The following DNAJB11 variants were observed in gnomAD, a reference collection of about 807,000 sequenced individuals.
The protein encoded by DNAJB11 is DnaJ heat shock protein family (Hsp40) member B11.
A neutral mutation model predicts 47.2 loss-of-function variants in DNAJB11; 30 were observed. The ratio of observed to expected loss-of-function variants is 0.64; its 90% confidence interval spans 0.48 to 0.86. DNAJB11 has a LOEUF of 0.86. Ranked by LOEUF, DNAJB11 falls within the 40% of genes least tolerant of loss-of-function variation. The pLI is 0.00. For missense variants in DNAJB11, 357 were observed against 440.2 expected (o/e 0.81, Z 1.69); for synonymous variants, 151 against 159.9 (o/e 0.94, Z 0.42).
chr3:186,575,999 G>T, intron 3 of DNAJB11, 62 bp downstream of exon 3: 1 of 1,230,118 alleles, frequency 8.1e-7, no homozygotes, highest in African/African-American at 1.5e-5. Context: ...AGCGATTAAA[G>T]AATTATTCTC....
Position 186,575,907 on chromosome 3 carries a change from A to T in DNAJB11, c.293A>T (p.His98Leu). 6.2e-7 allele frequency: 1 copy of T among 1,613,974 alleles called. No individual in the cohort carries two copies. The highest frequency in any genetic ancestry group is 8.5e-7 in the Non-Finnish European group (1 of 1,179,884). Reference sequence around the variant, plus strand: ...GGTGAAGAAGGATTAAAAGATGGTCATCAGAGCTCCCATGGAGACATTTTT... The same window carrying T: ...GGTGAAGAAGGATTAAAAGATGGTCTTCAGAGCTCCCATGGAGACATTTTT... ...TYGEEGLKDGHQSSHGDIFSH... is the reference protein window; with the variant it reads ...TYGEEGLKDGLQSSHGDIFSH... Residue 98 changes from histidine (H) to leucine (L), a missense_variant, in exon 3 of 10, where the codon CAT becomes CTT. Transcript: ENST00000265028.
At chr3:186,571,584 A>C (rs1187102157) in intron 1 of DNAJB11, among the ~76,000 whole-genome samples, 1 of 152,178 alleles carries the variant, frequency 6.6e-6, no homozygotes, top group Non-Finnish European at 1.5e-5. Flanking sequence ...TGAGCTATTT[A>C]TTATCTTAAG....
chr3:186,579,645 C>T (rs1405354044), intron 4 of DNAJB11: 1 of 152,270 alleles, frequency 6.6e-6, no homozygotes, highest in Non-Finnish European at 1.5e-5. Flanking sequence ...CTGATATTCC[C>T]TTACAGGTAC....
At position 186,570,949 on chromosome 3, in the gene DNAJB11, G is replaced by T; in HGVS notation, c.52G>T (p.Gly18Trp). 6.3e-7 allele frequency: 1 copy of T among 1,597,170 alleles called. No individual in the cohort carries two copies. The highest frequency in any genetic ancestry group is 8.5e-7 in the Non-Finnish European group (1 of 1,172,208). The change falls in exon 1 of 10, where the codon GGG becomes TGG. Residue 18 changes from glycine (G) to tryptophan (W), a missense_variant. Gly to Trp is a radical substitution (Grantham distance 184, BLOSUM62 -2). Transcript: ENST00000265028. ...TFCLLLLYLI[G>W]AVIAGRDFYK... is the part of the protein sequence containing the mutation. Reference sequence around the variant, plus strand: ...TTGCCTGTTGCTGCTATACCTCATCGGGGCGGTGATTGCCGGGTGAGGAAC... The same window carrying T: ...TTGCCTGTTGCTGCTATACCTCATCTGGGCGGTGATTGCCGGGTGAGGAAC...
chr3:186,571,956 T>C, intron 1 of DNAJB11, 139 bp from the exon 2 acceptor site: 1 of 582,252 alleles, frequency 1.7e-6, no homozygotes, highest in Non-Finnish European at 2.8e-6. Context: ...TCTTTGTGTG[T>C]GTATGTGTCA....
At position 186,581,481 on chromosome 3, in the gene DNAJB11, G is replaced by A. The variant is rs1715483039; in HGVS notation, c.567G>A (p.Gln189=). The change falls in exon 5 of 10, where the codon CAG becomes CAA. Residue 189 remains glutamine, a synonymous_variant. Coordinates refer to ENST00000265028, the MANE Select transcript of DNAJB11 (RefSeq NM_016306.6). ...QLGPGRFQMT[Q]EVVCDECPNV... ...GCCCTGGGCGCTTCCAAATGACCCA[G>A]GAGGTGGTCTGCGACGAATGCCCTA... 8 of 1,613,696 alleles carry A rather than the reference G, an allele frequency of 5.0e-6. No homozygotes were observed. In the East Asian group the frequency reaches 1.8e-4, roughly 36 times the overall value.
rs576281787 is a variant in DNAJB11, at chr3:186,573,972, C to T, written c.225+1721C>T. Among the ~76,000 whole-genome samples the T allele has an allele frequency of 3.3e-5, 5 of 152,298 alleles. No individual in the cohort carries two copies. The South Asian group carries it at 1.0e-3, about 32-fold the overall frequency. On this transcript the variant is annotated intron_variant, in intron 2 of 9. Transcript: ENST00000265028. ...GAAATCGTGGCTTATTTAACTATAA[C>T]AATCCTTTTAGCCACTAGTTCAAAT...
intron 4 of DNAJB11, chr3:186,578,060 C>T (rs1455183747): frequency 4.4e-6 from 1 of 226,576 alleles, no homozygotes; most frequent in East Asian, 8.7e-5. Flanking sequence ...CCCTGCCTCC[C>T]TTCAAAGGTA....
At chr3:186,584,910 A>G (rs1229326832) in intron 9 of DNAJB11, among the ~76,000 whole-genome samples, 1 of 152,184 alleles carries the variant, frequency 6.6e-6, no homozygotes, top group Non-Finnish European at 1.5e-5. Flanking sequence ...TAGACTGTAG[A>G]AAGATTAGAA....
chr3:186,585,227 T>C (rs943824012), intron 9 of DNAJB11, 117 bp from the exon 10 acceptor site: 1 of 706,572 alleles, frequency 1.4e-6, no homozygotes. Flanking sequence ...AGTTATTTAA[T>C]TCACATCCAT....
rs777074056 is a variant in DNAJB11 at position 186,572,106 on chromosome 3, A to G, written c.80A>G (p.Tyr27Cys). 5 of 1,582,534 alleles carry G rather than the reference A, an allele frequency of 3.2e-6. No individual in the cohort carries two copies. The highest frequency in any genetic ancestry group is 2.3e-5 in the South Asian group (2 of 85,168). ...CCTCTACTTCCCAGACGAGATTTCT[A>G]TAAGATCTTGGGGGTGCCTCGAAGT... ...IGAVIAGRDFYKILGVPRSAS... is the reference protein window; with the variant it reads ...IGAVIAGRDFCKILGVPRSAS... The change falls in exon 2 of 10, where the codon TAT becomes TGT. Residue 27 changes from tyrosine (Y) to cysteine (C), a missense_variant. Physicochemically the swap from Tyr to Cys is radical, Grantham distance 194 (BLOSUM62 -2). Transcript: ENST00000265028.
chr3:186,584,739 C>A, intron 9 of DNAJB11, 150 bp downstream of exon 9: 1 of 882,386 alleles, frequency 1.1e-6, no homozygotes, highest in Non-Finnish European at 1.6e-6. Flanking sequence ...ATGAACTCAT[C>A]TTTCTCTGTA....
rs1336788720 is a variant in DNAJB11 at position 186,585,437 on chromosome 3, A to G, written c.*29A>G. On this transcript the variant is annotated 3_prime_UTR_variant, in exon 10 of 10. Transcript: ENST00000265028. ...TGAATAAAATTGGACTTTGTTTAAA[A>G]TAAGTGAATAAGCGATATTTATTAT... 2.6e-6 allele frequency: 4 copies of G among 1,517,608 alleles called. No individual in the cohort carries two copies. The highest frequency in any genetic ancestry group is 2.8e-5 in the African/African-American group (2 of 72,290). The allele number at this position is 1,517,608 out of a possible 1,614,324, so 94.0% of individuals were successfully genotyped here. A position where few individuals can be genotyped will look rare whatever the true frequency, so the allele number is the denominator to read the frequency against.
intron 3 of DNAJB11, 27 bp from the exon 4 acceptor site, chr3:186,577,641 T>TC (rs397767755): frequency 1.6e-5 from 24 of 1,526,018 alleles, no homozygotes; most frequent in Middle Eastern, 3.5e-4. Context: ...TTTTTTTTTT[T>TC]CCTGATGATT....
intron 9 of DNAJB11, 36 bp downstream of exon 9, chr3:186,584,625 G>GTGTGTGTGTGTGTGTT: frequency 1.3e-6 from 2 of 1,501,626 alleles, no homozygotes; most frequent in South Asian, 1.3e-5. Flanking sequence ...GTGTGTGTTT[G>GTGTGTGTGTGTGTGTT]TGTGTGTGTA....
chr3:186,581,583 A>G (rs540193364), intron 5 of DNAJB11, 70 bp downstream of exon 5: 1 of 1,550,976 alleles, frequency 6.4e-7, no homozygotes, highest in Admixed American at 1.8e-5. Flanking sequence ...TCAAACACTA[A>G]TGGTCCATAC....
At chr3:186,579,426 A>G (rs746663109) in intron 4 of DNAJB11, 9 of 152,170 alleles carry the variant, frequency 5.9e-5, no homozygotes, top group Non-Finnish European at 1.2e-4. Context: ...TAATATTTCT[A>G]CTTGATTCTT....
chr3:186,570,782 C>G lies in DNAJB11; in HGVS notation c.-116C>G, dbSNP rs548183319. Reference sequence around the variant, plus strand: ...TAGCTGTCTCTGCGGACCAAGGAGACCCCCGCGCCCCCCCGGTGTGAGGCG... The same window carrying G: ...TAGCTGTCTCTGCGGACCAAGGAGAGCCCCGCGCCCCCCCGGTGTGAGGCG... On this transcript the variant is annotated 5_prime_UTR_variant, in exon 1 of 10. Transcript: ENST00000265028. The G allele has an allele frequency of 1.1e-6, 1 of 920,944 alleles. No individual in the cohort carries two copies. Among genetic ancestry groups the G allele is most frequent in the African/African-American group, 1.7e-5 (1 of 58,460 alleles). 57.0% of individuals were successfully genotyped at this position (920,944 alleles called of 1,614,324 possible). A position where few individuals can be genotyped will look rare whatever the true frequency, so the allele number is the denominator to read the frequency against.
chr3:186,577,964 T>C, intron 4 of DNAJB11, 164 bp downstream of exon 4: 1 of 474,592 alleles, frequency 2.1e-6, no homozygotes, highest in African/African-American at 2.0e-5. Context: ...GATACACTGA[T>C]GTCATTGTTT....
Sources: gnomAD v4.1 joint callset for allele counts (sites outside exome capture counted in the v4.1 genomes callset) on GRCh38, gnomAD v4.1.1 for gene constraint, MANE v1.5 for transcripts, NCBI Gene and HGNC (gene_info 2026-07-23, HGNC 2026-07-21) for gene names.